Variants in CCDC102B observed in about 807,000 individuals in gnomAD.
CCDC102B encodes the protein coiled-coil domain-containing protein 102B.
Under a neutral mutation model 57.4 loss-of-function variants are expected in CCDC102B, and 75 were observed. The observed-to-expected ratio is 1.31, with a 90% CI of 1.08 to 1.58. CCDC102B has a LOEUF of 1.58. Ranked by LOEUF, CCDC102B falls within the 40% of genes most tolerant of loss-of-function variation. CCDC102B has a pLI of 0.00. For synonymous variants in CCDC102B, 206 were observed against 201.9 expected, an observed-to-expected ratio of 1.02 and a Z score of -0.17; for missense variants, 636 against 582.6, an observed-to-expected ratio of 1.09 and a Z score of -0.94.
intron 6 of CCDC102B, among the ~76,000 whole-genome samples, chr18:68,961,364 T>G (rs2050044298): frequency 6.6e-6 from 1 of 151,964 alleles, no homozygotes; most frequent in Non-Finnish European, 1.5e-5. Flanking sequence ...ATAAAAAAAT[T>G]TGATTTTATA....
At chr18:68,895,675 C>T (rs1158964676) in intron 5 of CCDC102B, among the ~76,000 whole-genome samples, 5 of 151,552 alleles carry the variant, frequency 3.3e-5, no homozygotes, top group Non-Finnish European at 7.4e-5. Context: ...CTCTTCTGTC[C>T]CTACAATACC....
At chr18:68,767,911 T>C (rs998683350) in intron 2 of CCDC102B, among the ~76,000 whole-genome samples, 60 of 152,270 alleles carry the variant, frequency 3.9e-4, no homozygotes, top group Non-Finnish European at 6.2e-4. Context: ...GAATTAAAAT[T>C]TGGATTTCCA....
At chr18:68,716,552 T>C (rs1482406735) in exon 2 of CCDC102B, 3 of 152,184 alleles carry the variant, frequency 2.0e-5, no homozygotes, top group Non-Finnish European at 4.4e-5. Context: ...GACACTCGAT[T>C]CAGCTATTGG....
intron 4 of CCDC102B, among the ~76,000 whole-genome samples, chr18:68,853,672 T>TAAAAAAAAAAAAAAAAAAAAAAAAAAAAA (rs71175201): frequency 1.1e-5 from 1 of 94,678 alleles, no homozygotes; most frequent in African/African-American, 4.7e-5. Flanking sequence ...CCCCAAATTG[T>TAAAAAAAAAAAAAAAAAAAAAAAAAAAAA]AAAAAAAAAA....
chr18:68,958,010 G>A (rs1189462334), intron 6 of CCDC102B, among the ~76,000 whole-genome samples: 2 of 152,154 alleles, frequency 1.3e-5, no homozygotes, highest in African/African-American at 2.4e-5. Flanking sequence ...ACAGTTCCAC[G>A]TGGCTGGGGA....
At chr18:68,911,751 C>CAAAAAAAAAAAA (rs74175338) in intron 6 of CCDC102B, among the ~76,000 whole-genome samples, 2 of 18,004 alleles carry the variant, frequency 1.1e-4, no homozygotes, top group African/African-American at 3.7e-4. Flanking sequence ...GACTCCGTCT[C>CAAAAAAAAAAAA]AAAAAAAAAA....
intron 6 of CCDC102B, among the ~76,000 whole-genome samples, chr18:68,968,523 C>A (rs780010792): frequency 1.3e-5 from 2 of 152,116 alleles, no homozygotes; most frequent in Non-Finnish European, 2.9e-5. Context: ...TTATCACCTT[C>A]GAAAGGTGTC....
intron 4 of CCDC102B, among the ~76,000 whole-genome samples, chr18:68,871,728 G>A (rs1026159163): frequency 5.3e-5 from 8 of 152,144 alleles, no homozygotes; most frequent in Non-Finnish European, 8.8e-5. Context: ...CCAGGAGTAG[G>A]AGATGAGGGC....
intron 6 of CCDC102B, among the ~76,000 whole-genome samples, chr18:68,989,217 AT>A (rs1046115255): frequency 1.3e-5 from 2 of 152,156 alleles, no homozygotes; most frequent in Non-Finnish European, 2.9e-5. Context: ...TCTTCTCTAC[AT>A]TTTTTGTCAT....
intron 7 of CCDC102B, among the ~76,000 whole-genome samples, chr18:69,031,236 T>C (rs928892740): frequency 6.6e-6 from 1 of 152,184 alleles, no homozygotes; most frequent in Non-Finnish European, 1.5e-5. Context: ...TTCTGAGCAT[T>C]GTAGTCCTTT....
chr18:68,983,024 GT>G (rs1231958516), intron 6 of CCDC102B, among the ~76,000 whole-genome samples: 1 of 151,756 alleles, frequency 6.6e-6, no homozygotes, highest in African/African-American at 2.4e-5. Context: ...TAAAATATAG[GT>G]TTTAAAACGA....
upstream of CCDC102B, among the ~76,000 whole-genome samples, chr18:68,797,093 GA>G (rs1429767940): frequency 6.6e-6 from 1 of 152,026 alleles, no homozygotes; most frequent in Non-Finnish European, 1.5e-5. Context: ...TTCAAAGATA[GA>G]GGAGAGAGAA....
At chr18:68,749,292 G>A (rs1205078775) in intron 2 of CCDC102B, among the ~76,000 whole-genome samples, 5 of 152,112 alleles carry the variant, frequency 3.3e-5, no homozygotes, top group East Asian at 1.9e-4. Context: ...CTTTAAAGTC[G>A]TTTTTTCCAA....
intron 6 of CCDC102B, among the ~76,000 whole-genome samples, chr18:68,974,360 T>C (rs1221496004): frequency 6.6e-6 from 1 of 152,126 alleles, no homozygotes; most frequent in Non-Finnish European, 1.5e-5. Context: ...GCCTTGATCC[T>C]GGACTTCCTA....
chr18:68,897,442 T>G lies in CCDC102B; in HGVS notation c.1263+14T>G, dbSNP rs1003715840. The G allele has an allele frequency of 2.5e-6, 4 of 1,607,556 alleles. No individual in the cohort carries two copies. Among genetic ancestry groups the G allele is most frequent in the Non-Finnish European group, 3.4e-6 (4 of 1,176,088 alleles). On this transcript the variant is annotated intron_variant, in intron 6 of 7. Coordinates refer to ENST00000360242, the MANE Select transcript of CCDC102B (RefSeq NM_024781.3). ...GAAAAAAACCAGGTATGGGTGCTCCTTGGAGCAAATTCTCACTGTCTAATC... is the reference window on the plus strand; with the variant it reads ...GAAAAAAACCAGGTATGGGTGCTCCGTGGAGCAAATTCTCACTGTCTAATC...
At chr18:69,014,958 T>A (rs1337275507) in intron 7 of CCDC102B, among the ~76,000 whole-genome samples, 2 of 114,504 alleles carry the variant, frequency 1.7e-5, no homozygotes, top group African/African-American at 5.8e-5. Flanking sequence ...TGTATGTGAA[T>A]GAGAGAGAGA....
intron 5 of CCDC102B, among the ~76,000 whole-genome samples, chr18:68,895,557 C>A (rs1880298955): frequency 6.6e-6 from 1 of 151,592 alleles, no homozygotes; most frequent in Non-Finnish European, 1.5e-5. Flanking sequence ...TTATAATCAA[C>A]AATGTTAAAA....
intron 4 of CCDC102B, among the ~76,000 whole-genome samples, chr18:68,873,258 T>G (rs1422411850): frequency 6.6e-6 from 1 of 152,166 alleles, no homozygotes; most frequent in Non-Finnish European, 1.5e-5. Context: ...CTGTGTGCTC[T>G]CTTTATGTTA....
At chr18:68,960,806 G>A (rs1004152266) in intron 6 of CCDC102B, among the ~76,000 whole-genome samples, 1 of 152,134 alleles carries the variant, frequency 6.6e-6, no homozygotes, top group African/African-American at 2.4e-5. Context: ...GAGTTCCAAT[G>A]CAATGGCTCA....
Sources: gnomAD v4.1 joint callset for allele counts (sites outside exome capture counted in the v4.1 genomes callset) on GRCh38, gnomAD v4.1.1 for gene constraint, MANE v1.5 for transcripts, NCBI Gene and HGNC (gene_info 2026-07-23, HGNC 2026-07-21) for gene names.